WASF3: variants seen among roughly 807,000 people sequenced by gnomAD.
The protein encoded by WASF3 is WASP family member 3.
A neutral mutation model predicts 46.6 loss-of-function variants in WASF3; 11 were observed. That is an observed-to-expected ratio of 0.24 (90% CI 0.15 to 0.39). The LOEUF is 0.39. Ranked by LOEUF, WASF3 falls within the 10% of genes least tolerant of loss-of-function variation. The pLI, the probability that WASF3 is intolerant of heterozygous loss-of-function variation, is 1.00. For missense variants in WASF3, 576 were observed against 669.8 expected (o/e 0.86, Z 1.55); for synonymous variants, 242 against 259.7 (o/e 0.93, Z 0.65).
At chr13:26,674,564 C>T (rs899904072) in intron 6 of WASF3, among the ~76,000 whole-genome samples, 1 of 152,162 alleles carries the variant, frequency 6.6e-6, no homozygotes, top group Non-Finnish European at 1.5e-5. Context: ...AAACATTTTA[C>T]GAAGTATTTG....
rs75697278 is a variant in WASF3 at position 26,620,931 on chromosome 13, G to A, written c.-11+7873G>A. 3.1e-3 allele frequency among the ~76,000 whole-genome samples: 474 copies of A among 152,202 alleles called. 2 individuals carry two copies. Among genetic ancestry groups the A allele is most frequent in the African/African-American group, 0.011 (446 of 41,542 alleles). ...ATAGACACAAAGTTGCCTTTTTCTG[G>A]GAGACTTATTATTTAGTTGTTGAGG... On this transcript the variant is annotated intron_variant, in intron 2 of 9. Coordinates refer to ENST00000335327, the MANE Select transcript of WASF3 (RefSeq NM_006646.6).
chr13:26,629,389 C>G (rs982376588), intron 2 of WASF3, among the ~76,000 whole-genome samples: 7 of 152,204 alleles, frequency 4.6e-5, no homozygotes, highest in Admixed American at 2.0e-4. Context: ...TGGCCACTGC[C>G]CACACATCTG....
intron 1 of WASF3, among the ~76,000 whole-genome samples, chr13:26,571,808 T>C (rs542679190): frequency 3.0e-4 from 45 of 152,380 alleles, no homozygotes; most frequent in African/African-American, 1.0e-3. Context: ...ACAAATCAAC[T>C]CTGACAACCT....
intron 5 of WASF3, 151 bp downstream of exon 5, chr13:26,667,821 A>C (rs942112749): frequency 1.4e-6 from 1 of 696,400 alleles, no homozygotes; most frequent in African/African-American, 1.8e-5. Context: ...TAATGATTGA[A>C]TTATATACAA....
chr13:26,555,881 G>T (rs2137128402), upstream of WASF3, among the ~76,000 whole-genome samples: 1 of 152,266 alleles, frequency 6.6e-6, no homozygotes, highest in East Asian at 1.9e-4. Context: ...TAAGGATGAG[G>T]CACTTATTAG....
chr13:26,555,857 C>T (rs1012494784), upstream of WASF3, among the ~76,000 whole-genome samples: 6 of 152,202 alleles, frequency 3.9e-5, no homozygotes, highest in African/African-American at 1.2e-4. Flanking sequence ...CTCCCTGATG[C>T]AGCAACATTT....
At chr13:26,616,720 G>A (rs1224495226) in intron 2 of WASF3, among the ~76,000 whole-genome samples, 1 of 152,056 alleles carries the variant, frequency 6.6e-6, no homozygotes, top group Admixed American at 6.6e-5. Flanking sequence ...TTGGGGGGCT[G>A]TACATGAGTC....
chr13:26,659,782 C>T (rs1882571124), intron 3 of WASF3, among the ~76,000 whole-genome samples: 1 of 152,098 alleles, frequency 6.6e-6, no homozygotes, highest in African/African-American at 2.4e-5. Flanking sequence ...GCAAGGATGA[C>T]CCTAAAGTCT....
intron 2 of WASF3, among the ~76,000 whole-genome samples, chr13:26,618,174 GCCT>G (rs745832580): frequency 1.7e-3 from 257 of 152,190 alleles, no homozygotes; most frequent in Non-Finnish European, 2.8e-3. Flanking sequence ...CACTATTAGT[GCCT>G]CCTTTTTGTT....
intron 1 of WASF3, among the ~76,000 whole-genome samples, chr13:26,588,370 A>G (rs1211630222): frequency 2.0e-5 from 3 of 152,214 alleles, no homozygotes; most frequent in South Asian, 2.1e-4. Flanking sequence ...TAAAAACACA[A>G]CATGACCAGA....
chr13:26,607,641 T>G (rs1355028655), intron 1 of WASF3, among the ~76,000 whole-genome samples: 2 of 148,832 alleles, frequency 1.3e-5, no homozygotes, highest in East Asian at 1.9e-4. Context: ...TTTGTTTTGT[T>G]TTTTTTTTGA....
At chr13:26,582,698 A>AAAT (rs1245483811) in intron 1 of WASF3, among the ~76,000 whole-genome samples, 1 of 151,178 alleles carries the variant, frequency 6.6e-6, no homozygotes, top group East Asian at 1.9e-4. Flanking sequence ...AAAAAAAAAA[A>AAAT]AGCCTACCTC....
chr13:26,589,753 T>C (rs560341877), intron 1 of WASF3, among the ~76,000 whole-genome samples: 3 of 152,216 alleles, frequency 2.0e-5, no homozygotes, highest in Non-Finnish European at 2.9e-5. Flanking sequence ...GGGTGTAGGA[T>C]ACCTTCTGCC....
chr13:26,639,320 G>A (rs1881923641), intron 2 of WASF3, among the ~76,000 whole-genome samples: 1 of 152,200 alleles, frequency 6.6e-6, no homozygotes, highest in Non-Finnish European at 1.5e-5. Flanking sequence ...GAAGGCTGGG[G>A]ATTAATTAGT....
intron 2 of WASF3, among the ~76,000 whole-genome samples, chr13:26,619,980 T>C (rs1881254509): frequency 6.6e-6 from 1 of 152,168 alleles, no homozygotes; most frequent in East Asian, 1.9e-4. Context: ...ATATTTATAA[T>C]TGGGACCTGT....
At chr13:26,659,750 G>T (rs139972018) in intron 3 of WASF3, among the ~76,000 whole-genome samples, 2 of 152,172 alleles carry the variant, frequency 1.3e-5, no homozygotes, top group Non-Finnish European at 2.9e-5. Flanking sequence ...AGCCAGTGTG[G>T]AGTGTGAGTG....
chr13:26,655,394 G>C (rs1451911083), intron 3 of WASF3, among the ~76,000 whole-genome samples: 1 of 152,154 alleles, frequency 6.6e-6, no homozygotes, highest in African/African-American at 2.4e-5. Flanking sequence ...CGTTTCATTA[G>C]GAAGCTCATG....
chr13:26,565,912 T>A (rs774663583), intron 1 of WASF3, among the ~76,000 whole-genome samples: 1 of 152,194 alleles, frequency 6.6e-6, no homozygotes, highest in Non-Finnish European at 1.5e-5. Flanking sequence ...ATTTCTGACA[T>A]GTCCAGTTCC....
chr13:26,624,860 T>C (rs1052966585), intron 2 of WASF3, among the ~76,000 whole-genome samples: 4 of 152,076 alleles, frequency 2.6e-5, no homozygotes, highest in African/African-American at 9.7e-5. Flanking sequence ...GAGAAAAAGC[T>C]CAAATCCTGT....
Sources: allele counts gnomAD v4.1 joint callset (sites outside exome capture counted in the v4.1 genomes callset), GRCh38; gene constraint gnomAD v4.1.1; transcripts MANE v1.5; gene names NCBI Gene and HGNC (gene_info 2026-07-23, HGNC 2026-07-21).